Variants in ARB2A observed in about 807,000 individuals in gnomAD.
The protein encoded by ARB2A is ARB2 cotranscriptional regulator A, also known as cotranscriptional regulator ARB2A.
At chr5:94,075,360 G>A in the ARB2A span, among the ~76,000 whole-genome samples, 3 of 151,902 alleles carry the variant, frequency 2.0e-5, no homozygotes, top group African/African-American at 2.4e-5. Flanking sequence ...TCTCTAAATG[G>A]CACTCCAGTA....
At chr5:93,646,943 G>A in the ARB2A span, among the ~76,000 whole-genome samples, 1 of 152,022 alleles carries the variant, frequency 6.6e-6, no homozygotes, top group African/African-American at 2.4e-5. Flanking sequence ...AAAAACATTT[G>A]TCACATTTAT....
chr5:93,892,833 C>T, the ARB2A span, among the ~76,000 whole-genome samples: 1 of 152,106 alleles, frequency 6.6e-6, no homozygotes, highest in East Asian at 1.9e-4. Context: ...TCTTGAGAAA[C>T]TGATAGAAAT....
the ARB2A span, among the ~76,000 whole-genome samples, chr5:93,661,656 TAA>T: frequency 0.057 from 8,569 of 150,644 alleles, 810 homozygotes; most frequent in African/African-American, 0.2. Flanking sequence ...GCTGATCAGC[TAA>T]AAAAAAAAAA....
the ARB2A span, among the ~76,000 whole-genome samples, chr5:93,960,630 G>A: frequency 7.9e-5 from 12 of 152,164 alleles, no homozygotes; most frequent in Admixed American, 7.2e-4. Context: ...AGCCTCACCA[G>A]TGACTTCCTT....
the ARB2A span, among the ~76,000 whole-genome samples, chr5:93,936,940 G>GT: frequency 0.022 from 2,900 of 133,492 alleles, 30 homozygotes; most frequent in Non-Finnish European, 0.025. Flanking sequence ...AATTATAAAG[G>GT]TTTTTTTTTT....
the ARB2A span, among the ~76,000 whole-genome samples, chr5:94,093,113 T>C: frequency 6.6e-6 from 1 of 152,208 alleles, no homozygotes; most frequent in East Asian, 1.9e-4. Context: ...ATTTAAGATA[T>C]ATAATCTAAA....
the ARB2A span, among the ~76,000 whole-genome samples, chr5:93,857,729 T>C: frequency 7.2e-5 from 11 of 152,310 alleles, no homozygotes; most frequent in East Asian, 1.7e-3. Context: ...CCTGACCCCT[T>C]GCGCTTCCCG....
At chr5:93,984,513 T>A in the ARB2A span, among the ~76,000 whole-genome samples, 1 of 152,224 alleles carries the variant, frequency 6.6e-6, no homozygotes, top group African/African-American at 2.4e-5. Flanking sequence ...GTAAATGCCA[T>A]ACTTTGTTGT....
chr5:93,775,529 C>T, the ARB2A span, among the ~76,000 whole-genome samples: 1 of 152,208 alleles, frequency 6.6e-6, no homozygotes, highest in South Asian at 2.1e-4. Flanking sequence ...TATCCTTAAA[C>T]TTCCTAGAGC....
At chr5:93,926,422 C>G in the ARB2A span, among the ~76,000 whole-genome samples, 2 of 152,190 alleles carry the variant, frequency 1.3e-5, no homozygotes, top group Non-Finnish European at 2.9e-5. Flanking sequence ...CATGAGCCAC[C>G]GTGCCCGGCC....
the ARB2A span, among the ~76,000 whole-genome samples, chr5:93,648,892 T>C: frequency 1.3e-5 from 2 of 152,154 alleles, no homozygotes; most frequent in Non-Finnish European, 1.5e-5. Flanking sequence ...TGTTAACCTA[T>C]GGAAATTGAA....
At chr5:93,958,832 A>G in the ARB2A span, 4 of 1,604,102 alleles carry the variant, frequency 2.5e-6, no homozygotes, top group Middle Eastern at 3.3e-4. Flanking sequence ...ATCTTCATTT[A>G]TAATAAGTCT....
the ARB2A span, chr5:93,619,894 C>G: frequency 6.6e-6 from 1 of 152,038 alleles, no homozygotes; most frequent in African/African-American, 2.4e-5. Context: ...AAGCAGAAAA[C>G]TAAAAGGATA....
chr5:94,026,822 T>C, the ARB2A span, among the ~76,000 whole-genome samples: 2 of 152,204 alleles, frequency 1.3e-5, no homozygotes, highest in Non-Finnish European at 2.9e-5. Context: ...CTAGGATTTG[T>C]CTGCCACATG....
chr5:94,057,012 C>T, the ARB2A span, among the ~76,000 whole-genome samples: 2 of 152,174 alleles, frequency 1.3e-5, no homozygotes, highest in Non-Finnish European at 2.9e-5. Context: ...AAGGAGAATT[C>T]ACTCTCTCTG....
At chr5:94,074,894 G>A in the ARB2A span, 1 of 587,612 alleles carries the variant, frequency 1.7e-6, no homozygotes, top group Non-Finnish European at 3.0e-6. Flanking sequence ...TGATGCCTAT[G>A]CCATAGTACT....
chr5:93,854,986 G>A, the ARB2A span, among the ~76,000 whole-genome samples: 1 of 152,196 alleles, frequency 6.6e-6, no homozygotes, highest in Non-Finnish European at 1.5e-5. Flanking sequence ...GCATGATGCA[G>A]AGCTGAGTTC....
At chr5:94,013,861 G>A in the ARB2A span, among the ~76,000 whole-genome samples, 1 of 152,248 alleles carries the variant, frequency 6.6e-6, no homozygotes, top group South Asian at 2.1e-4. Context: ...AGATGTAAGA[G>A]GTAGATAGTA....
At chr5:94,029,566 T>C in the ARB2A span, among the ~76,000 whole-genome samples, 1 of 151,278 alleles carries the variant, frequency 6.6e-6, no homozygotes, top group East Asian at 1.9e-4. Context: ...TCACAGTTAA[T>C]GCTATGTGCT....
Sources: allele counts gnomAD v4.1 joint callset (sites outside exome capture counted in the v4.1 genomes callset), GRCh38; gene constraint gnomAD v4.1.1; transcripts MANE v1.5; gene names NCBI Gene and HGNC (gene_info 2026-07-23, HGNC 2026-07-21).